The following TAFA2 variants were observed in gnomAD, a reference collection of about 807,000 sequenced individuals.
TAFA2 encodes TAFA chemokine like family member 2.
In TAFA2, 7 loss-of-function variants were observed where a neutral mutation model predicts 18.8. The observed-to-expected ratio is 0.37, with a 90% CI of 0.21 to 0.70. The LOEUF (loss-of-function observed/expected upper bound fraction) is 0.70. Among genes scored for constraint, TAFA2 ranks in the 30% least tolerant of loss-of-function variants. TAFA2 has a pLI of 0.53. For missense variants in TAFA2, 122 were observed against 158.1 expected, an observed-to-expected ratio of 0.77 and a Z score of 1.23; for synonymous variants, 60 against 54.2, an observed-to-expected ratio of 1.11 and a Z score of -0.47.
chr12:61,917,978 T>C (rs1452463237), intron 1 of TAFA2, among the ~76,000 whole-genome samples: 2 of 152,178 alleles, frequency 1.3e-5, no homozygotes, highest in Non-Finnish European at 1.5e-5. Context: ...TCAAGTTACA[T>C]GTTCATGTGT....
chr12:62,175,625 A>C (rs1565770473), intron 1 of TAFA2, among the ~76,000 whole-genome samples: 1 of 152,024 alleles, frequency 6.6e-6, no homozygotes, highest in African/African-American at 2.4e-5. Flanking sequence ...TATCATCTCT[A>C]ACAAAGTAGT....
intron 1 of TAFA2, among the ~76,000 whole-genome samples, chr12:62,232,758 C>G (rs185906338): frequency 1.3e-5 from 2 of 151,980 alleles, no homozygotes; most frequent in African/African-American, 4.8e-5. Context: ...GTGATCCACC[C>G]GCCTCAGCCT....
Position 61,708,483 on chromosome 12 carries a change from A to C in TAFA2, c.*1923T>G, listed in dbSNP as rs895108761. The C allele has an allele frequency of 6.6e-6, 1 of 152,176 alleles. No homozygotes were observed. Among genetic ancestry groups the C allele is most frequent in the African/African-American group, 2.4e-5 (1 of 41,466 alleles). The allele number at this position is 152,176 out of a possible 1,614,324, so 9.4% of individuals were successfully genotyped here. On this transcript the variant is annotated 3_prime_UTR_variant, in exon 5 of 5. Coordinates refer to ENST00000416284, the MANE Select transcript of TAFA2 (RefSeq NM_178539.5). The stretch of plus-strand genomic sequence containing the variant: ...TGATGTATAATTTCAAATCTCAAAC[A>C]AACCTAGGACAAATTCATAATTTCC...
chr12:62,024,179 C>T (rs538750820), intron 1 of TAFA2, among the ~76,000 whole-genome samples: 1 of 152,192 alleles, frequency 6.6e-6, no homozygotes, highest in African/African-American at 2.4e-5. Flanking sequence ...GTAAACAGCT[C>T]CATGATCTCA....
At chr12:61,715,956 G>C (rs575721920) in intron 4 of TAFA2, among the ~76,000 whole-genome samples, 24 of 151,900 alleles carry the variant, frequency 1.6e-4, no homozygotes, top group African/African-American at 5.3e-4. Context: ...AAAAAATGAA[G>C]CACGACTTTG....
At chr12:61,900,191 CA>C (rs1876036925) in intron 1 of TAFA2, among the ~76,000 whole-genome samples, 1 of 152,130 alleles carries the variant, frequency 6.6e-6, no homozygotes, top group African/African-American at 2.4e-5. Context: ...TCTTGGTTCA[CA>C]TGTGTAAGAG....
intron 1 of TAFA2, among the ~76,000 whole-genome samples, chr12:62,050,551 G>A (rs563134753): frequency 4.0e-5 from 6 of 150,362 alleles, no homozygotes; most frequent in Non-Finnish European, 5.9e-5. Context: ...CAGCCTGGGC[G>A]ACAGAGTGAG....
chr12:61,999,397 G>T (rs781187887), intron 1 of TAFA2, among the ~76,000 whole-genome samples: 64 of 152,184 alleles, frequency 4.2e-4, no homozygotes, highest in Admixed American at 1.3e-3. Context: ...TGCTAGATAA[G>T]AAAGCAAAAG....
chr12:61,917,584 T>C (rs2121357220), intron 1 of TAFA2, among the ~76,000 whole-genome samples: 1 of 152,234 alleles, frequency 6.6e-6, no homozygotes, highest in East Asian at 1.9e-4. Context: ...CTCTCTCAAC[T>C]GACATATCAG....
chr12:62,020,209 T>G (rs192470525), intron 1 of TAFA2, among the ~76,000 whole-genome samples: 162 of 152,226 alleles, frequency 1.1e-3, no homozygotes, highest in African/African-American at 3.7e-3. Context: ...CAGAACATAG[T>G]AAGAAGGAGA....
intron 1 of TAFA2, among the ~76,000 whole-genome samples, chr12:61,893,802 G>A (rs188469993): frequency 1.0e-3 from 158 of 152,256 alleles, no homozygotes; most frequent in Middle Eastern, 0.01. Flanking sequence ...AAAATTAGTT[G>A]TTTCAAGACA....
chr12:61,898,837 A>G (rs1875971157), intron 1 of TAFA2, among the ~76,000 whole-genome samples: 1 of 152,170 alleles, frequency 6.6e-6, no homozygotes, highest in Non-Finnish European at 1.5e-5. Flanking sequence ...TCCCTAGAAA[A>G]TGGGTTTTTC....
intron 1 of TAFA2, among the ~76,000 whole-genome samples, chr12:62,034,060 G>A (rs944516095): frequency 6.6e-6 from 1 of 152,126 alleles, no homozygotes; most frequent in African/African-American, 2.4e-5. Context: ...AAGAGGTTGG[G>A]GGAAAAAGAG....
At chr12:61,762,744 G>C (rs1869613568) in intron 2 of TAFA2, among the ~76,000 whole-genome samples, 1 of 151,550 alleles carries the variant, frequency 6.6e-6, no homozygotes, top group Admixed American at 6.6e-5. Context: ...TTAGCGTCAA[G>C]TTGTGAATTT....
At chr12:62,208,161 T>C (rs1246167328) in intron 1 of TAFA2, among the ~76,000 whole-genome samples, 1 of 152,090 alleles carries the variant, frequency 6.6e-6, no homozygotes, top group Non-Finnish European at 1.5e-5. Flanking sequence ...GCTTCTTGTC[T>C]GAAAAATTCT....
intron 1 of TAFA2, among the ~76,000 whole-genome samples, chr12:62,217,932 C>T (rs2136976818): frequency 6.6e-6 from 1 of 152,096 alleles, no homozygotes; most frequent in Non-Finnish European, 1.5e-5. Flanking sequence ...CTTTTCAAAA[C>T]TAATGCTGAT....
At chr12:62,110,227 T>C (rs1869662079) in intron 1 of TAFA2, among the ~76,000 whole-genome samples, 1 of 152,214 alleles carries the variant, frequency 6.6e-6, no homozygotes, top group Non-Finnish European at 1.5e-5. Context: ...CTGCATCTAC[T>C]GAAATAATCA....
rs1289382937 is a variant in TAFA2, at chr12:61,807,957, G to A, written c.107-52933C>T. On this transcript the variant is annotated intron_variant, in intron 2 of 4. Coordinates refer to ENST00000416284, the MANE Select transcript of TAFA2 (RefSeq NM_178539.5). ...AGAAGGGACTTGCCTTGTCTCAGAT[G>A]AGAACTTGGACTATGGATATCTGAG... Among the ~76,000 whole-genome samples, 5 of 151,682 alleles carry A rather than the reference G, an allele frequency of 3.3e-5. No homozygotes were observed. The East Asian group carries it at 7.7e-4, about 23-fold the overall frequency.
intron 1 of TAFA2, among the ~76,000 whole-genome samples, chr12:62,082,976 C>G (rs1868346667): frequency 6.6e-6 from 1 of 152,036 alleles, no homozygotes; most frequent in Admixed American, 6.6e-5. Context: ...TACTAACCTC[C>G]TTTTACAGAT....
Sources: allele counts gnomAD v4.1 joint callset (sites outside exome capture counted in the v4.1 genomes callset), GRCh38; gene constraint gnomAD v4.1.1; transcripts MANE v1.5; gene names NCBI Gene and HGNC (gene_info 2026-07-23, HGNC 2026-07-21).